ERBB4: variants seen among roughly 807,000 people sequenced by gnomAD.
ERBB4 encodes the protein receptor tyrosine-protein kinase erbB-4.
In ERBB4, 42 loss-of-function variants were observed where a neutral mutation model predicts 158.0. The ratio of observed to expected loss-of-function variants is 0.27; its 90% CI spans 0.21 to 0.34. The LOEUF is 0.34. ERBB4 is among the 10% of genes least tolerant of loss of function. The pLI, the probability that ERBB4 is intolerant of heterozygous loss-of-function variation, is 1.00. For synonymous variants in ERBB4, 583 were observed against 558.7 expected (o/e 1.04, Z -0.61); for missense variants, 1,333 against 1,624.1 (o/e 0.82, Z 3.08).
chr2:211,584,450 T>C (rs1163428468), intron 19 of ERBB4, among the ~76,000 whole-genome samples: 3 of 152,118 alleles, frequency 2.0e-5, no homozygotes, highest in African/African-American at 7.2e-5. Flanking sequence ...ATATGACATT[T>C]TTCAATCCAG....
intron 1 of ERBB4, among the ~76,000 whole-genome samples, chr2:212,189,351 T>A (rs1270110516): frequency 6.6e-6 from 1 of 152,212 alleles, no homozygotes; most frequent in Non-Finnish European, 1.5e-5. Flanking sequence ...AGATATCTAC[T>A]GTTGTCATTT....
intron 1 of ERBB4, among the ~76,000 whole-genome samples, chr2:212,514,842 T>C (rs1454365908): frequency 6.6e-6 from 1 of 152,042 alleles, no homozygotes; most frequent in Non-Finnish European, 1.5e-5. Context: ...CACTGAGAAG[T>C]AAACTGATGC....
At chr2:212,391,618 T>C (rs980894164) in intron 1 of ERBB4, among the ~76,000 whole-genome samples, 3 of 144,544 alleles carry the variant, frequency 2.1e-5, no homozygotes, top group South Asian at 4.2e-4. Flanking sequence ...GAATATTATA[T>C]GTCAATATAT....
At chr2:211,583,814 A>G (rs530967365) in intron 19 of ERBB4, among the ~76,000 whole-genome samples, 15 of 151,670 alleles carry the variant, frequency 9.9e-5, no homozygotes, top group Non-Finnish European at 1.8e-4. Context: ...TTTGTCAATT[A>G]TAATATCATT....
At chr2:211,598,682 T>C (rs1032194863) in intron 19 of ERBB4, among the ~76,000 whole-genome samples, 2 of 152,250 alleles carry the variant, frequency 1.3e-5, no homozygotes, top group Non-Finnish European at 2.9e-5. Flanking sequence ...AATACTCCTA[T>C]TTATTTCTTT....
intron 2 of ERBB4, among the ~76,000 whole-genome samples, chr2:212,003,261 G>GAA (rs1338787228): frequency 6.9e-6 from 1 of 144,352 alleles, no homozygotes; most frequent in African/African-American, 2.5e-5. Flanking sequence ...AGGAAGGAAA[G>GAA]AGAGAGAAAG....
chr2:211,965,865 G>A (rs2125187403), intron 2 of ERBB4, among the ~76,000 whole-genome samples: 1 of 152,212 alleles, frequency 6.6e-6, no homozygotes, highest in African/African-American at 2.4e-5. Flanking sequence ...AGAGGAAAGG[G>A]CAAAGCATAT....
intron 4 of ERBB4, among the ~76,000 whole-genome samples, chr2:211,769,828 G>C (rs3923054): frequency 0.25 from 37,730 of 152,142 alleles, 5,548 homozygotes; most frequent in Middle Eastern, 0.36. Context: ...ATCTGCTCCT[G>C]TCTGTTTTAT....
intron 25 of ERBB4, among the ~76,000 whole-genome samples, chr2:211,406,662 C>A (rs553597679): frequency 6.6e-6 from 1 of 152,138 alleles, no homozygotes; most frequent in East Asian, 1.9e-4. Flanking sequence ...AGCCAGGCTT[C>A]CAGGTTTTGT....
intron 3 of ERBB4, among the ~76,000 whole-genome samples, chr2:211,924,971 A>T (rs187523853): frequency 7.9e-5 from 12 of 152,284 alleles, no homozygotes; most frequent in African/African-American, 2.6e-4. Flanking sequence ...GAAATAGTAA[A>T]GTGTCTGAGC....
chr2:211,766,990 G>T (rs917645386), intron 4 of ERBB4, among the ~76,000 whole-genome samples: 5 of 152,116 alleles, frequency 3.3e-5, no homozygotes, highest in Admixed American at 3.3e-4. Context: ...AGTCTGACTG[G>T]TTGGGGGCCA....
chr2:211,932,541 T>A, intron 3 of ERBB4, among the ~76,000 whole-genome samples: 1 of 152,126 alleles, frequency 6.6e-6, no homozygotes, highest in East Asian at 1.9e-4. Flanking sequence ...GAAATTATAA[T>A]TAGAAATATT....
At chr2:211,858,590 C>CA (rs992597742) in intron 3 of ERBB4, among the ~76,000 whole-genome samples, 23 of 93,052 alleles carry the variant, frequency 2.5e-4, no homozygotes, top group Admixed American at 5.2e-4. Flanking sequence ...CACAAAAAGC[C>CA]ATTTTTTTTT....
At chr2:212,143,386 C>T (rs751400445) in intron 1 of ERBB4, among the ~76,000 whole-genome samples, 1 of 151,970 alleles carries the variant, frequency 6.6e-6, no homozygotes, top group African/African-American at 2.4e-5. Flanking sequence ...TTCCTGTTAA[C>T]TTCTTTGATC....
chr2:212,214,083 C>T (rs2083020646), intron 1 of ERBB4, among the ~76,000 whole-genome samples: 1 of 151,816 alleles, frequency 6.6e-6, no homozygotes, highest in South Asian at 2.1e-4. Flanking sequence ...CAATTGGTTG[C>T]ATGCTGCATT....
intron 1 of ERBB4, among the ~76,000 whole-genome samples, chr2:212,175,432 C>T (rs17344783): frequency 0.41 from 62,352 of 151,642 alleles, 16,503 homozygotes; most frequent in African/African-American, 0.76. Context: ...TGAGGGTAGT[C>T]ATGGTTAGAA....
chr2:211,491,607 G>A (rs1270247873), intron 20 of ERBB4, among the ~76,000 whole-genome samples: 1 of 151,856 alleles, frequency 6.6e-6, no homozygotes. Flanking sequence ...AAACTATGTT[G>A]GTTTGGTAAT....
At chr2:212,426,570 A>G (rs2091917601) in intron 1 of ERBB4, among the ~76,000 whole-genome samples, 1 of 152,062 alleles carries the variant, frequency 6.6e-6, no homozygotes, top group Non-Finnish European at 1.5e-5. Context: ...AAATATATTT[A>G]TTGTGAATAT....
intron 20 of ERBB4, among the ~76,000 whole-genome samples, chr2:211,552,655 G>T (rs1315982932): frequency 1.3e-5 from 2 of 152,084 alleles, no homozygotes; most frequent in African/African-American, 4.8e-5. Context: ...GGCCAGCAAA[G>T]CTCTGAGGAA....
Sources: gnomAD v4.1 joint callset for allele counts (sites outside exome capture counted in the v4.1 genomes callset) on GRCh38, gnomAD v4.1.1 for gene constraint, MANE v1.5 for transcripts, NCBI Gene and HGNC (gene_info 2026-07-23, HGNC 2026-07-21) for gene names.